Variants in CDH10 observed in about 807,000 individuals in gnomAD.
The protein encoded by CDH10 is cadherin 10.
CDH10 carries 30 observed loss-of-function variants against 73.1 expected under a neutral mutation model. The ratio of observed to expected loss-of-function variants is 0.41; its 90% CI spans 0.31 to 0.56. The LOEUF is 0.56. Among genes scored for constraint, CDH10 ranks in the 20% least tolerant of loss-of-function variants. The pLI is 0.27. For missense variants in CDH10, 815 were observed against 973.7 expected (o/e 0.84, Z 2.17); for synonymous variants, 345 against 348.2 (o/e 0.99, Z 0.10).
At chr5:24,558,946 C>A (rs1189435333) in intron 2 of CDH10, among the ~76,000 whole-genome samples, 1 of 151,694 alleles carries the variant, frequency 6.6e-6, no homozygotes, top group Non-Finnish European at 1.5e-5. Flanking sequence ...ATTCAGCATT[C>A]CCCTTTCATT....
At chr5:24,511,975 G>T (rs571542164) in intron 5 of CDH10, among the ~76,000 whole-genome samples, 6 of 152,150 alleles carry the variant, frequency 3.9e-5, no homozygotes, top group African/African-American at 1.4e-4. Flanking sequence ...AGACACTGGG[G>T]CCTACTTGAG....
intron 1 of CDH10, among the ~76,000 whole-genome samples, chr5:24,594,233 T>C (rs186654098): frequency 1.2e-4 from 18 of 152,026 alleles, no homozygotes; most frequent in Non-Finnish European, 2.1e-4. Context: ...TAATCACTAC[T>C]ACAGTGAACC....
In CDH10 at chr5:24,509,658, G is replaced by C. The variant is rs186942613; in HGVS notation, c.1164C>G (p.Ser388=). The part of the protein sequence containing the change: ...VDEPPVFSRS[S]YLFEVHEDIE... ...TATCTTCATGAACTTCAAACAGATAGGAGGACCTACTAAAAACAGGAGGTT... is the reference window on the plus strand; with the variant it reads ...TATCTTCATGAACTTCAAACAGATACGAGGACCTACTAAAAACAGGAGGTT... The change falls in exon 7 of 12, where the codon TCC becomes TCG. Residue 388 remains serine, a synonymous_variant. Transcript: ENST00000264463. 15 of 1,613,314 alleles carry C rather than the reference G, an allele frequency of 9.3e-6. No homozygotes were observed. The East Asian group carries it at 2.7e-4, about 29-fold the overall frequency.
intron 1 of CDH10, among the ~76,000 whole-genome samples, chr5:24,604,902 C>CAA (rs1262533266): frequency 2.2e-5 from 3 of 137,236 alleles, no homozygotes; most frequent in African/African-American, 6.0e-5. Context: ...AAAACAAAAA[C>CAA]AAACAAACAA....
intron 2 of CDH10, among the ~76,000 whole-genome samples, chr5:24,544,863 C>A (rs1250151438): frequency 6.6e-6 from 1 of 152,132 alleles, no homozygotes; most frequent in Non-Finnish European, 1.5e-5. Flanking sequence ...TATTTGCTAG[C>A]ATTGGAAAGA....
chr5:24,570,378 G>T (rs1745332326), intron 2 of CDH10, among the ~76,000 whole-genome samples: 1 of 152,068 alleles, frequency 6.6e-6, no homozygotes, highest in African/African-American at 2.4e-5. Context: ...GCTTCACAGA[G>T]ATGCCTAGTT....
intron 2 of CDH10, among the ~76,000 whole-genome samples, chr5:24,567,839 TAAATAAGC>T (rs1745218898): frequency 6.6e-6 from 1 of 152,114 alleles, no homozygotes; most frequent in Non-Finnish European, 1.5e-5. Flanking sequence ...AGAGAAAATT[TAAATAAGC>T]AAATAAGTAG....
chr5:24,552,199 T>G (rs956090157), intron 2 of CDH10, among the ~76,000 whole-genome samples: 3 of 152,028 alleles, frequency 2.0e-5, no homozygotes, highest in African/African-American at 7.2e-5. Context: ...GATATGTAGC[T>G]GACTTTTGCC....
chr5:24,528,531 A>G lies in CDH10; in HGVS notation c.814+6581T>C, dbSNP rs138062419. Among the ~76,000 whole-genome samples the G allele has an allele frequency of 6.1e-3, 933 of 152,064 alleles. 5 individuals are homozygous for G. The highest frequency in any genetic ancestry group is 0.011 in the Non-Finnish European group (739 of 67,882). ...TCTTAAATCCCTATGTATATCATAT[A>G]GACATTTCCTTGAAAGACCTTGTCT... On this transcript the variant is annotated intron_variant, in intron 5 of 11. Coordinates refer to ENST00000264463, the MANE Select transcript of CDH10 (RefSeq NM_006727.5).
At chr5:24,564,185 G>C (rs1175446819) in intron 2 of CDH10, among the ~76,000 whole-genome samples, 1 of 152,122 alleles carries the variant, frequency 6.6e-6, no homozygotes. Context: ...CTCTTCATTG[G>C]ACACAACAAA....
At chr5:24,572,449 G>A (rs1745419280) in intron 2 of CDH10, among the ~76,000 whole-genome samples, 1 of 152,008 alleles carries the variant, frequency 6.6e-6, no homozygotes, top group African/African-American at 2.4e-5. Flanking sequence ...AAAAAGACAC[G>A]GGGAGAGGAT....
intron 2 of CDH10, among the ~76,000 whole-genome samples, chr5:24,584,063 C>T (rs1745894377): frequency 6.6e-6 from 1 of 152,032 alleles, no homozygotes; most frequent in African/African-American, 2.4e-5. Flanking sequence ...AAAACTTAGA[C>T]AATGAAGGCA....
At chr5:24,580,356 A>G (rs1489653779) in intron 2 of CDH10, among the ~76,000 whole-genome samples, 1 of 152,162 alleles carries the variant, frequency 6.6e-6, no homozygotes, top group African/African-American at 2.4e-5. Flanking sequence ...AAGTTATATT[A>G]ACCATATAAA....
intron 2 of CDH10, among the ~76,000 whole-genome samples, chr5:24,583,892 C>T (rs1259285402): frequency 6.6e-6 from 1 of 152,166 alleles, no homozygotes; most frequent in Non-Finnish European, 1.5e-5. Context: ...ATCCACCTGC[C>T]TCGGCCCCCC....
At chr5:24,495,719 C>T (rs1273394336) in intron 9 of CDH10, among the ~76,000 whole-genome samples, 2 of 151,920 alleles carry the variant, frequency 1.3e-5, no homozygotes, top group African/African-American at 2.4e-5. Context: ...TGGTGGTGCG[C>T]ACCTGCAGTC....
At chr5:24,641,805 A>C (rs1038170034) in intron 1 of CDH10, among the ~76,000 whole-genome samples, 7 of 152,160 alleles carry the variant, frequency 4.6e-5, no homozygotes, top group Middle Eastern at 3.4e-3. Context: ...TAAATACAAT[A>C]TGGTTAGTAA....
At chr5:24,568,522 T>C (rs1402827090) in intron 2 of CDH10, among the ~76,000 whole-genome samples, 2 of 152,108 alleles carry the variant, frequency 1.3e-5, no homozygotes, top group East Asian at 1.9e-4. Context: ...TCAGGTGAAA[T>C]TGGAACCCTT....
chr5:24,616,169 G>A (rs1579474061), intron 1 of CDH10, among the ~76,000 whole-genome samples: 1 of 151,720 alleles, frequency 6.6e-6, no homozygotes, highest in East Asian at 1.9e-4. Flanking sequence ...TAATTTTTAG[G>A]AAGAGGTATC....
chr5:24,579,116 G>T (rs1216045965), intron 2 of CDH10, among the ~76,000 whole-genome samples: 9 of 151,720 alleles, frequency 5.9e-5, no homozygotes, highest in Non-Finnish European at 1.2e-4. Flanking sequence ...TATATGAAAA[G>T]ATTTCATATT....
Sources: gnomAD v4.1 joint callset for allele counts (sites outside exome capture counted in the v4.1 genomes callset) on GRCh38, gnomAD v4.1.1 for gene constraint, MANE v1.5 for transcripts, NCBI Gene and HGNC (gene_info 2026-07-23, HGNC 2026-07-21) for gene names.